Variants in PMS1 observed in about 807,000 individuals in gnomAD.
PMS1 encodes the protein PMS1 homolog 1, mismatch repair system component, also known as PMS1 protein homolog 1.
Under a neutral mutation model 93.1 loss-of-function variants are expected in PMS1, and 79 were observed. The observed-to-expected ratio is 0.85, with a 90% CI of 0.71 to 1.02. PMS1 has a LOEUF of 1.02. PMS1 is among the 50% of genes least tolerant of loss of function. The pLI is 0.00. For missense variants in PMS1, 1,064 were observed against 1,085.3 expected, an observed-to-expected ratio of 0.98 and a Z score of 0.28; for synonymous variants, 335 against 363.4, an observed-to-expected ratio of 0.92 and a Z score of 0.89.
At chr2:189,841,794 C>G (rs374786115) in intron 5 of PMS1, among the ~76,000 whole-genome samples, 6 of 202 alleles carry the variant, frequency 0.03, no homozygotes, top group Admixed American at 0.17. Context: ...TTAAACAATG[C>G]AACTTCACAC....
intron 11 of PMS1, among the ~76,000 whole-genome samples, chr2:189,868,569 CATCTGGT>C (rs2056870910): frequency 6.6e-6 from 1 of 152,190 alleles, no homozygotes; most frequent in Non-Finnish European, 1.5e-5. Flanking sequence ...ACTTTCTCTT[CATCTGGT>C]ATCAGAGAGG....
At chr2:189,834,189 G>C (rs2053193526) in intron 5 of PMS1, among the ~76,000 whole-genome samples, 1 of 152,216 alleles carries the variant, frequency 6.6e-6, no homozygotes, top group Admixed American at 6.5e-5. Flanking sequence ...AGTCAAAAAG[G>C]ATTATTAGAG....
chr2:189,863,934 A>G lies in PMS1; in HGVS notation c.2048A>G (p.Gln683Arg). The G allele has an allele frequency of 1.9e-6, 3 of 1,611,218 alleles. No homozygotes were observed. Residue 683 changes from glutamine (Q) to arginine (R), a missense_variant, in exon 10 of 13, where the codon CAG becomes CGG. Physicochemically the swap from Gln to Arg is conservative, Grantham distance 43. Coordinates refer to ENST00000441310, the MANE Select transcript of PMS1 (RefSeq NM_000534.5). ...SNQPKLDELL[Q>R]SQIEKRRSQN... is the part of the protein sequence containing the mutation. ...CAACCAAAACTTGATGAACTCCTTC[A>G]GTCCCAAATTGAAAAAAGAAGGAGT... is the stretch of plus-strand genomic sequence containing the variant.
In PMS1 at chr2:189,818,642, TAGTTTTATCTTTATTACATAAAG is replaced by T. The variant is rs372787489; in HGVS notation, c.582+466_582+488del. 1.1e-3 allele frequency among the ~76,000 whole-genome samples: 160 copies of T among 152,364 alleles called. No homozygotes were observed. The Middle Eastern group carries it at 0.031, about 29-fold the overall frequency. On this transcript the variant is annotated intron_variant, in intron 5 of 12. Transcript: ENST00000441310. Reference sequence around the variant, plus strand: ...TTCAAAATGTTAGTCCACATTTATCTAGTTTTATCTTTATTACATAAAGAGTGTCTTTAATTTGTTGCCTAATA... The same window carrying T: ...TTCAAAATGTTAGTCCACATTTATCTAGTGTCTTTAATTTGTTGCCTAATA...
At chr2:189,795,039 A>C (rs985192186) in intron 2 of PMS1, among the ~76,000 whole-genome samples, 1 of 152,230 alleles carries the variant, frequency 6.6e-6, no homozygotes, top group Non-Finnish European at 1.5e-5. Flanking sequence ...TCAAGGCTAC[A>C]GTGAGCTGTG....
At chr2:189,832,098 T>C (rs2052998843) in intron 5 of PMS1, among the ~76,000 whole-genome samples, 1 of 152,054 alleles carries the variant, frequency 6.6e-6, no homozygotes, top group African/African-American at 2.4e-5. Context: ...CAAAATAGGT[T>C]GTATGGGAAG....
At position 189,867,853 on chromosome 2, in the gene PMS1, C is replaced by T. The variant is rs2056796091; in HGVS notation, c.2397C>T (p.Asp799=). The T allele has an allele frequency of 6.3e-7, 1 of 1,590,284 alleles. No individual in the cohort carries two copies. Among genetic ancestry groups the T allele is most frequent in the Non-Finnish European group, 8.6e-7 (1 of 1,158,674 alleles). Reference sequence around the variant, plus strand: ...TTTTATATAAAATGACAGCAGATGACCAAAGATACAGTGGATCAACTTACC... The same window carrying T: ...TTTTATATAAAATGACAGCAGATGATCAAAGATACAGTGGATCAACTTACC... ...LDVLYKMTAD[D]QRYSGSTYLS... Residue 799 remains aspartate, a synonymous_variant, in exon 11 of 13, where the codon GAC becomes GAT. Coordinates refer to ENST00000441310, the MANE Select transcript of PMS1 (RefSeq NM_000534.5).
chr2:189,829,027 A>G (rs2052693118), intron 5 of PMS1, among the ~76,000 whole-genome samples: 1 of 152,014 alleles, frequency 6.6e-6, no homozygotes, highest in South Asian at 2.1e-4. Flanking sequence ...TTTTACCTTT[A>G]TGTGACCCCA....
intron 5 of PMS1, among the ~76,000 whole-genome samples, chr2:189,834,990 C>T (rs1431676033): frequency 6.6e-6 from 1 of 152,166 alleles, no homozygotes; most frequent in Non-Finnish European, 1.5e-5. Flanking sequence ...GGATTACAGG[C>T]CTGAACCAAC....
intron 6 of PMS1, among the ~76,000 whole-genome samples, chr2:189,848,655 T>C (rs2054444147): frequency 1.3e-5 from 2 of 152,086 alleles, no homozygotes; most frequent in Admixed American, 6.5e-5. Context: ...ATTGAGGGAA[T>C]TTGGTAAGCA....
chr2:189,841,277 C>T (rs761373816), intron 5 of PMS1, among the ~76,000 whole-genome samples: 12 of 152,102 alleles, frequency 7.9e-5, no homozygotes, highest in Non-Finnish European at 1.6e-4. Context: ...ACAGTAGTAC[C>T]TAACAAAGAA....
Position 189,855,258 on chromosome 2 carries a change from A to G in PMS1, c.1856+130A>G, listed in dbSNP as rs1402449274. ...AGATCAGAAAATACCTTTGGCTTGG[A>G]TAGAGTACCTTTTTTGGTAACACTT... On this transcript the variant is annotated intron_variant, in intron 9 of 12. Coordinates refer to ENST00000441310, the MANE Select transcript of PMS1 (RefSeq NM_000534.5). 10 of 739,484 alleles carry G rather than the reference A, an allele frequency of 1.4e-5. No homozygotes were observed. In the South Asian group the frequency reaches 1.4e-4, roughly 10 times the overall value. 45.8% of individuals were successfully genotyped at this position (739,484 alleles called of 1,614,324 possible). A position where few individuals can be genotyped will look rare whatever the true frequency, so the allele number is the denominator to read the frequency against.
intron 5 of PMS1, among the ~76,000 whole-genome samples, chr2:189,836,694 A>C (rs2053410716): frequency 6.6e-6 from 1 of 152,220 alleles, no homozygotes; most frequent in African/African-American, 2.4e-5. Flanking sequence ...ATTTATTGCT[A>C]GCCCAAGTGT....
chr2:189,852,607 C>G (rs1355092456), intron 6 of PMS1, 48 bp from the exon 7 acceptor site: 1 of 1,555,002 alleles, frequency 6.4e-7, no homozygotes, highest in Non-Finnish European at 8.9e-7. Flanking sequence ...ATAGCCAGAC[C>G]CGTGGAACTA....
chr2:189,836,729 A>G (rs994551710), intron 5 of PMS1, among the ~76,000 whole-genome samples: 1 of 152,190 alleles, frequency 6.6e-6, no homozygotes, highest in Non-Finnish European at 1.5e-5. Context: ...ATGCTCTTAA[A>G]TTAGCCCCTC....
chr2:189,839,037 A>T (rs143975783), intron 5 of PMS1, among the ~76,000 whole-genome samples: 1 of 151,744 alleles, frequency 6.6e-6, no homozygotes, highest in African/African-American at 2.4e-5. Flanking sequence ...TGTTGCCCAC[A>T]TTGGAGTGCA....
intron 9 of PMS1, among the ~76,000 whole-genome samples, chr2:189,855,555 T>C (rs753472134): frequency 5.9e-5 from 9 of 152,084 alleles, no homozygotes; most frequent in Non-Finnish European, 1.0e-4. Context: ...CTTTCTTAAA[T>C]TGGTCTCCAA....
At chr2:189,786,184 C>T (rs998414141) in intron 1 of PMS1, among the ~76,000 whole-genome samples, 5 of 151,968 alleles carry the variant, frequency 3.3e-5, no homozygotes, top group African/African-American at 1.2e-4. Context: ...ATTTGGGCAA[C>T]GATGGGATGA....
intron 6 of PMS1, among the ~76,000 whole-genome samples, chr2:189,851,160 A>C (rs1039972413): frequency 5.9e-5 from 9 of 152,190 alleles, no homozygotes; most frequent in African/African-American, 2.2e-4. Flanking sequence ...ACTTAAACAT[A>C]GTTTGTTCTT....
Sources: gnomAD v4.1 joint callset for allele counts (sites outside exome capture counted in the v4.1 genomes callset) on GRCh38, gnomAD v4.1.1 for gene constraint, MANE v1.5 for transcripts, NCBI Gene and HGNC (gene_info 2026-07-23, HGNC 2026-07-21) for gene names.